Variants in DNAH17 observed in about 807,000 individuals in gnomAD.
The protein encoded by DNAH17 is dynein axonemal heavy chain 17.
DNAH17 carries 376 observed loss-of-function variants against 485.6 expected under a neutral mutation model. That is an observed-to-expected ratio of 0.77 (90% CI 0.71 to 0.84). The LOEUF is 0.84. Among genes scored for constraint, DNAH17 ranks in the 40% least tolerant of loss-of-function variants. The pLI is 0.00. For synonymous variants in DNAH17, 3,031 were observed against 2,405.9 expected (o/e 1.26, Z -7.60); for missense variants, 6,370 against 5,839.3 (o/e 1.09, Z -2.96).
At chr17:78,472,262 G>A (rs1291546486) in intron 54 of DNAH17, among the ~76,000 whole-genome samples, 1 of 148,352 alleles carries the variant, frequency 6.7e-6, no homozygotes, top group African/African-American at 2.6e-5. Flanking sequence ...GAGGGTTAGG[G>A]TTAGGGAGTA....
At chr17:78,516,361 T>C (rs1281160546) in intron 25 of DNAH17, among the ~76,000 whole-genome samples, 1 of 152,230 alleles carries the variant, frequency 6.6e-6, no homozygotes. Context: ...TTCTCTCAGA[T>C]GCCTGCTATG....
rs2086261260 is a variant in DNAH17, at chr17:78,424,036, T to G, written c.13259A>C (p.Asn4420Thr). The change falls in exon 81 of 81, where the codon AAC (asparagine) becomes ACC (threonine). Residue 4420 changes from asparagine to threonine, a missense_variant. By Grantham distance (65) the Asn-to-Thr change is moderately conservative. Transcript: ENST00000389840. Reference protein sequence around the residue: ...AIPVDRMETKNIYECPVYKTR... With the variant: ...AIPVDRMETKTIYECPVYKTR... ...TTTGTACACGGGACACTCATAGATG[T>G]TCTTGGTCTCCATGCGGTCCACAGG... 1 of 1,613,956 alleles carries G rather than the reference T, an allele frequency of 6.2e-7. No individual in the cohort carries two copies. Among genetic ancestry groups the G allele is most frequent in the Non-Finnish European group, 8.5e-7 (1 of 1,179,852 alleles).
In DNAH17 at chr17:78,459,191, G is replaced by A. The variant is rs767410940; in HGVS notation, c.9671C>T (p.Pro3224Leu). The A allele has an allele frequency of 1.4e-5, 22 of 1,613,736 alleles. No individual in the cohort carries two copies. The Admixed American group carries it at 1.5e-4, about 11-fold the overall frequency. ...LKAFKPYQGNPTFDPEFIRSK... is the reference protein window; with the variant it reads ...LKAFKPYQGNLTFDPEFIRSK... ...GCGGATGAACTCGGGGTCGAACGTCGGGTTGCCTTGGTAGGGCCTAGCGAG... is the reference window on the plus strand; with the variant it reads ...GCGGATGAACTCGGGGTCGAACGTCAGGTTGCCTTGGTAGGGCCTAGCGAG... The change falls in exon 61 of 81, where the codon CCG (proline) becomes CTG (leucine). Residue 3224 changes from proline to leucine, a missense_variant. Pro to Leu is a moderately conservative substitution (Grantham distance 98). Transcript: ENST00000389840.
In DNAH17 at chr17:78,450,811, A is replaced by G; in HGVS notation, c.10770T>C (p.Ile3590=). ...NLTKSQNEFK[I]VLKELEDSLL... ...GCGAATCTTCCAGCTCTTTCAGAAC[A>G]ATCTTAAATTCGTTTTGAGACTTGG... Residue 3590 remains isoleucine (I), a synonymous_variant, in exon 67 of 81, where the codon ATT becomes ATC. Transcript: ENST00000389840. 6.2e-7 allele frequency: 1 copy of G among 1,613,982 alleles called. No individual in the cohort carries two copies.
Position 78,434,235 on chromosome 17 carries a change from C to T in DNAH17, c.12034-15G>A. The T allele has an allele frequency of 6.3e-7, 1 of 1,595,602 alleles. No individual in the cohort carries two copies. Among genetic ancestry groups the T allele is most frequent in the South Asian group, 1.1e-5 (1 of 89,896 alleles). On this transcript the variant is annotated splice_polypyrimidine_tract_variant and intron_variant, in intron 74 of 80. Transcript: ENST00000389840. ...TCCAGGGTGTCCTGTGGGGCACACG[C>T]TCCGGTCAGGTATTAGGGAGAGGGA...
chr17:78,465,576 C>T (rs2088391630), intron 56 of DNAH17, among the ~76,000 whole-genome samples: 1 of 148,382 alleles, frequency 6.7e-6, no homozygotes, highest in African/African-American at 2.5e-5. Flanking sequence ...GCGCCTCTGC[C>T]CCGCCGCCCC....
intron 18 of DNAH17, among the ~76,000 whole-genome samples, chr17:78,537,864 C>T (rs576914073): frequency 3.3e-5 from 5 of 152,286 alleles, no homozygotes; most frequent in East Asian, 3.9e-4. Flanking sequence ...GTTGGCTAGG[C>T]GCAGTGGCTC....
intron 26 of DNAH17, among the ~76,000 whole-genome samples, chr17:78,513,587 T>C (rs2090694850): frequency 1.3e-5 from 2 of 152,118 alleles, no homozygotes; most frequent in South Asian, 4.1e-4. Context: ...AGGTGTGCGC[T>C]ACCACGCTCG....
intron 75 of DNAH17, among the ~76,000 whole-genome samples, chr17:78,433,550 G>A (rs939844231): frequency 3.9e-5 from 6 of 152,140 alleles, no homozygotes; most frequent in Admixed American, 2.0e-4. Context: ...CCTTCTATCC[G>A]GGGAGGTTTT....
chr17:78,475,129 T>A, intron 54 of DNAH17, 149 bp downstream of exon 54: 1 of 945,544 alleles, frequency 1.1e-6, no homozygotes, highest in Non-Finnish European at 1.5e-6. Context: ...TGGCCTCTGC[T>A]TTCTAAGATA....
intron 72 of DNAH17, among the ~76,000 whole-genome samples, 161 bp from the exon 73 acceptor site, chr17:78,439,378 G>A (rs182501098): frequency 6.6e-5 from 10 of 152,132 alleles, no homozygotes; most frequent in East Asian, 1.9e-4. Flanking sequence ...ATCTTAAAGC[G>A]TACAGTGCAC....
In DNAH17 at chr17:78,499,116, G is replaced by T; in HGVS notation, c.5641-4C>A. ...CCTTGTAGATATTTCCACAGGACTG[G>T]AAAGGGCGAGATGGAGAAAGGAAGA... is the stretch of plus-strand genomic sequence containing the variant. On this transcript the variant is annotated splice_region_variant and splice_polypyrimidine_tract_variant and intron_variant, in intron 36 of 80. Coordinates refer to ENST00000389840, the MANE Select transcript of DNAH17 (RefSeq NM_173628.4). 6.3e-7 allele frequency: 1 copy of T among 1,576,878 alleles called. No homozygotes were observed. Among genetic ancestry groups the T allele is most frequent in the Non-Finnish European group, 8.6e-7 (1 of 1,161,680 alleles).
At chr17:78,493,441 G>A (rs2089946194) in intron 41 of DNAH17, among the ~76,000 whole-genome samples, 1 of 152,226 alleles carries the variant, frequency 6.6e-6, no homozygotes, top group Non-Finnish European at 1.5e-5. Flanking sequence ...CAGGGAAAAG[G>A]AGCTTTAAAG....
chr17:78,429,990 G>A (rs1021248729), intron 75 of DNAH17, among the ~76,000 whole-genome samples: 4 of 152,322 alleles, frequency 2.6e-5, no homozygotes, highest in Non-Finnish European at 5.9e-5. Context: ...AAACTCGGCA[G>A]TGTGGACCAG....
intron 16 of DNAH17, 142 bp downstream of exon 16, chr17:78,551,393 A>G (rs922760693): frequency 1.5e-6 from 1 of 678,668 alleles, no homozygotes; most frequent in East Asian, 2.7e-5. Context: ...ATATCATCCT[A>G]CCGGTGGAGA....
rs144827943 is a variant in DNAH17 at position 78,555,285 on chromosome 17, C to T, written c.2179-2480G>A. Among the ~76,000 whole-genome samples the T allele has an allele frequency of 2.4e-4, 36 of 151,932 alleles. No homozygotes were observed. The East Asian group carries it at 2.7e-3, about 11-fold the overall frequency. On this transcript the variant is annotated intron_variant, in intron 14 of 80. Transcript: ENST00000389840. Reference sequence around the variant, plus strand: ...ACAAGGACAGTGGTCTCTTCCCAGTCGAGGAACCCTGCTCTGAGACTACAC... The same window carrying T: ...ACAAGGACAGTGGTCTCTTCCCAGTTGAGGAACCCTGCTCTGAGACTACAC...
intron 25 of DNAH17, chr17:78,522,870 T>TTTTTA (rs2090970037): frequency 1.2e-5 from 2 of 172,528 alleles, no homozygotes; most frequent in South Asian, 1.3e-4. Context: ...TTTTTTTTTT[T>TTTTTA]GAGATGTGGT....
chr17:78,524,513 T>C (rs2091012900), intron 25 of DNAH17, among the ~76,000 whole-genome samples: 1 of 152,104 alleles, frequency 6.6e-6, no homozygotes, highest in Non-Finnish European at 1.5e-5. Context: ...CACATGAGGA[T>C]GCAGTGAGAG....
rs1163499510 is a variant in DNAH17 at position 78,507,767 on chromosome 17, T to TTCCA, written c.4271_4274dup (p.Glu1425AspfsTer68). 1.3e-6 allele frequency: 2 copies of TTCCA among 1,586,006 alleles called. No individual in the cohort carries two copies. Among genetic ancestry groups the TTCCA allele is most frequent in the South Asian group, 1.1e-5 (1 of 89,228 alleles). ...TCCGCGGGTGCGGCTCGTGCTGGAATTCCATCATGCTCCAGGTACTGTCCA... is the reference window on the plus strand; with the variant it reads ...TCCGCGGGTGCGGCTCGTGCTGGAATTCCATCCATCATGCTCCAGGTACTGTCCA... On this transcript the variant is annotated frameshift_variant, in exon 28 of 81. Coordinates refer to ENST00000389840, the MANE Select transcript of DNAH17 (RefSeq NM_173628.4). LOFTEE classifies it high-confidence loss of function.
Sources: allele counts gnomAD v4.1 joint callset (sites outside exome capture counted in the v4.1 genomes callset), GRCh38; gene constraint gnomAD v4.1.1; transcripts MANE v1.5; gene names NCBI Gene and HGNC (gene_info 2026-07-23, HGNC 2026-07-21).